Variants in RAP1GAP2 observed in about 807,000 individuals in gnomAD.
RAP1GAP2 encodes RAP1 GTPase activating protein 2.
A neutral mutation model predicts 95.0 loss-of-function variants in RAP1GAP2; 27 were observed. The ratio of observed to expected loss-of-function variants is 0.28; its 90% CI spans 0.21 to 0.39. The LOEUF (loss-of-function observed/expected upper bound fraction) is 0.39. Ranked by LOEUF, RAP1GAP2 falls within the 10% of genes least tolerant of loss-of-function variation. RAP1GAP2 has a pLI of 1.00. For missense variants in RAP1GAP2, 771 were observed against 970.0 expected, an observed-to-expected ratio of 0.79 and a Z score of 2.72; for synonymous variants, 373 against 380.9, an observed-to-expected ratio of 0.98 and a Z score of 0.24.
At chr17:3,010,068 G>A (rs2046467133) in intron 17 of RAP1GAP2, among the ~76,000 whole-genome samples, 1 of 152,154 alleles carries the variant, frequency 6.6e-6, no homozygotes, top group South Asian at 2.1e-4. Context: ...GAGGCCAGGT[G>A]CCGTGCCTCA....
intron 2 of RAP1GAP2, among the ~76,000 whole-genome samples, chr17:2,899,987 T>A (rs2041971780): frequency 6.6e-6 from 1 of 152,210 alleles, no homozygotes; most frequent in Admixed American, 6.5e-5. Context: ...TGGTTTGGTT[T>A]TCCCGAGAAG....
intron 3 of RAP1GAP2, among the ~76,000 whole-genome samples, chr17:2,945,009 G>T (rs1475385572): frequency 8.6e-5 from 13 of 152,044 alleles, no homozygotes; most frequent in Admixed American, 8.5e-4. Context: ...CAGTAGCTGG[G>T]ATTACAGGCG....
At chr17:2,764,467 A>C (rs912072437) in intron 1 of RAP1GAP2, among the ~76,000 whole-genome samples, 2 of 151,876 alleles carry the variant, frequency 1.3e-5, no homozygotes, top group African/African-American at 4.8e-5. Context: ...TCACGCCTGT[A>C]ATCCTAGCAC....
At chr17:3,000,425 G>T in intron 14 of RAP1GAP2, among the ~76,000 whole-genome samples, 1 of 151,390 alleles carries the variant, frequency 6.6e-6, no homozygotes, top group Non-Finnish European at 1.5e-5. Context: ...GGGCCTTCCT[G>T]ATGCCGGAGA....
chr17:2,883,697 G>GA (rs2073384759), intron 2 of RAP1GAP2, among the ~76,000 whole-genome samples: 1 of 152,234 alleles, frequency 6.6e-6, no homozygotes, highest in South Asian at 2.1e-4. Flanking sequence ...CCTCCCTTGG[G>GA]AGTCGGCTTT....
intron 2 of RAP1GAP2, among the ~76,000 whole-genome samples, chr17:2,887,946 T>C (rs547383331): frequency 1.3e-5 from 2 of 152,256 alleles, no homozygotes; most frequent in South Asian, 2.1e-4. Flanking sequence ...AGTGCTGGGA[T>C]TACAAGTGTG....
intron 8 of RAP1GAP2, among the ~76,000 whole-genome samples, chr17:2,972,900 A>G (rs2044932827): frequency 6.6e-6 from 1 of 152,202 alleles, no homozygotes; most frequent in South Asian, 2.1e-4. Context: ...AGTTCTTGCT[A>G]CTTGCCCATA....
At chr17:2,773,158 G>A (rs1176576292), upstream of RAP1GAP2, among the ~76,000 whole-genome samples, 1 of 152,152 alleles carries the variant, frequency 6.6e-6, no homozygotes, top group African/African-American at 2.4e-5. Context: ...GAGCAAGAAG[G>A]TGGTGTCCGC....
rs748736676 is a variant in RAP1GAP2, at chr17:2,995,355, C to T, written c.933C>T (p.Asp311=). ...TTGACAGTTTCCGAGGAGGCCTGGACGTGACCCACGGACAGACAGGGGTGG... is the reference window on the plus strand; with the variant it reads ...TTGACAGTTTCCGAGGAGGCCTGGATGTGACCCACGGACAGACAGGGGTGG... ...QDFKGFRGGL[D]VTHGQTGVES... Residue 311 remains aspartate, a synonymous_variant, in exon 13 of 25, where the codon GAC becomes GAT. Transcript: ENST00000254695. 1.4e-5 allele frequency: 22 copies of T among 1,613,646 alleles called. No homozygotes were observed. The highest frequency in any genetic ancestry group is 1.6e-4 in the Middle Eastern group (1 of 6,084).
At chr17:2,979,425 ATTTC>A (rs2045259253) in intron 8 of RAP1GAP2, among the ~76,000 whole-genome samples, 1 of 140,412 alleles carries the variant, frequency 7.1e-6, no homozygotes, top group Non-Finnish European at 1.6e-5. Context: ...CATTTCCCGT[ATTTC>A]AGTGGCAGAC....
At chr17:3,016,776 G>A (rs1027812349) in intron 17 of RAP1GAP2, among the ~76,000 whole-genome samples, 2 of 152,224 alleles carry the variant, frequency 1.3e-5, no homozygotes, top group Admixed American at 6.5e-5. Flanking sequence ...ACTCTGTGGT[G>A]TAGACACCAA....
At chr17:2,798,704 G>A (rs7217135) in intron 1 of RAP1GAP2, among the ~76,000 whole-genome samples, 27,288 of 151,738 alleles carry the variant, frequency 0.18, 3,068 homozygotes, top group Middle Eastern at 0.28. Context: ...CTTCCTGAAA[G>A]GGAAAGGCCC....
chr17:2,836,863 C>T (rs1379055796), intron 2 of RAP1GAP2, among the ~76,000 whole-genome samples: 1 of 152,164 alleles, frequency 6.6e-6, no homozygotes, highest in African/African-American at 2.4e-5. Context: ...CTGCTTCCTT[C>T]TATAGCACCT....
intron 3 of RAP1GAP2, among the ~76,000 whole-genome samples, chr17:2,934,997 C>T (rs1447348286): frequency 6.6e-6 from 1 of 152,202 alleles, no homozygotes; most frequent in Non-Finnish European, 1.5e-5. Flanking sequence ...GGGATTTGGC[C>T]TCTCAGCATC....
intron 3 of RAP1GAP2, among the ~76,000 whole-genome samples, chr17:2,905,702 C>T (rs1195825597): frequency 2.6e-5 from 4 of 152,208 alleles, no homozygotes; most frequent in Admixed American, 2.0e-4. Context: ...CTGCCTGGGG[C>T]TGGGCTGTGG....
intron 1 of RAP1GAP2, chr17:2,755,813 C>A (rs1451756461): frequency 2.6e-5 from 9 of 350,454 alleles, no homozygotes; most frequent in Non-Finnish European, 4.6e-5. Context: ...GGAGCGAACC[C>A]CGAGGCCCGG....
At position 2,940,550 on chromosome 17, in the gene RAP1GAP2, T is replaced by C. The variant is rs112893772; in HGVS notation, c.166-17209T>C. On this transcript the variant is annotated intron_variant, in intron 3 of 24. Coordinates refer to ENST00000254695, the MANE Select transcript of RAP1GAP2 (RefSeq NM_015085.5). ...AGGCTGCGGGTCCCGCCCTCTCTTC[T>C]TTGGGCTGTGGTTCTGGGGACTCTG... 7.9e-5 allele frequency among the ~76,000 whole-genome samples: 12 copies of C among 152,318 alleles called. 1 individual carries two copies. Among genetic ancestry groups the C allele is most frequent in the South Asian group, 4.1e-4 (2 of 4,828 alleles).
chr17:2,945,216 T>G (rs1343874487), intron 3 of RAP1GAP2, among the ~76,000 whole-genome samples: 2 of 151,852 alleles, frequency 1.3e-5, no homozygotes, highest in South Asian at 2.1e-4. Context: ...AATTTTCTGA[T>G]TGTTTATTGA....
intron 2 of RAP1GAP2, among the ~76,000 whole-genome samples, chr17:2,862,067 T>C (rs2072419445): frequency 6.6e-6 from 1 of 152,180 alleles, no homozygotes; most frequent in Admixed American, 6.5e-5. Flanking sequence ...GAATTGCAAA[T>C]GATCACTTGC....
Sources: allele counts gnomAD v4.1 joint callset (sites outside exome capture counted in the v4.1 genomes callset), GRCh38; gene constraint gnomAD v4.1.1; transcripts MANE v1.5; gene names NCBI Gene and HGNC (gene_info 2026-07-23, HGNC 2026-07-21).